Variants in BIRC2 observed in about 807,000 individuals in gnomAD.
The protein encoded by BIRC2 is baculoviral IAP repeat containing 2.
Under a neutral mutation model 60.9 loss-of-function variants are expected in BIRC2, and 18 were observed. That is an observed-to-expected ratio of 0.30 (90% confidence interval 0.20 to 0.44). BIRC2 has a LOEUF of 0.44. BIRC2 is among the 20% of genes least tolerant of loss of function. BIRC2 has a pLI of 1.00. For synonymous variants in BIRC2, 282 were observed against 247.7 expected, an observed-to-expected ratio of 1.14 and a Z score of -1.30; for missense variants, 701 against 728.5, an observed-to-expected ratio of 0.96 and a Z score of 0.43.
At chr11:102,361,325 G>C (rs1039256061) in intron 3 of BIRC2, among the ~76,000 whole-genome samples, 2 of 152,206 alleles carry the variant, frequency 1.3e-5, no homozygotes, top group Non-Finnish European at 2.9e-5. Flanking sequence ...AGAGCAGCCA[G>C]AGAGCTGGGA....
chr11:102,365,773 T>C (rs946693422), intron 5 of BIRC2, among the ~76,000 whole-genome samples: 1 of 152,012 alleles, frequency 6.6e-6, no homozygotes, highest in Non-Finnish European at 1.5e-5. Flanking sequence ...TGTGTGTGTT[T>C]GTAGATACAG....
At chr11:102,367,963 G>C (rs372112788) in intron 5 of BIRC2, among the ~76,000 whole-genome samples, 1 of 152,060 alleles carries the variant, frequency 6.6e-6, no homozygotes, top group African/African-American at 2.4e-5. Flanking sequence ...TTCTAAGTTC[G>C]TATAGCATAT....
chr11:102,351,028 A>G, intron 3 of BIRC2, 85 bp downstream of exon 3: 6 of 1,222,908 alleles, frequency 4.9e-6, no homozygotes. Context: ...TTTACCTTTA[A>G]ATTATAACAA....
intron 4 of BIRC2, 47 bp downstream of exon 4, chr11:102,363,021 A>G (rs1247104474): frequency 7.3e-7 from 1 of 1,371,622 alleles, no homozygotes; most frequent in Non-Finnish European, 1.0e-6. Context: ...GCTTTATAAT[A>G]ACAAAAATAT....
intron 6 of BIRC2, among the ~76,000 whole-genome samples, chr11:102,375,537 T>C (rs1951701481): frequency 6.6e-6 from 1 of 152,068 alleles, no homozygotes; most frequent in African/African-American, 2.4e-5. Flanking sequence ...TCCCAGCACT[T>C]TGGGAGGCCA....
intron 6 of BIRC2, among the ~76,000 whole-genome samples, chr11:102,374,716 CTTTG>C (rs1951685224): frequency 6.6e-6 from 1 of 152,212 alleles, no homozygotes; most frequent in Non-Finnish European, 1.5e-5. Context: ...TTCCTGGCTG[CTTTG>C]TTTACCTAAT....
Position 102,378,113 on chromosome 11 carries a change from C to T in BIRC2, c.1787C>T (p.Ala596Val), listed in dbSNP as rs1035847344. 3 of 1,613,444 alleles carry T rather than the reference C, an allele frequency of 1.9e-6. No individual in the cohort carries two copies. Among genetic ancestry groups the T allele is most frequent in the Admixed American group, 3.3e-5 (2 of 59,952 alleles). The change falls in exon 9 of 9, where the codon GCC becomes GTC. Residue 596 changes from alanine to valine, a missense_variant. Transcript: ENST00000227758. ...CATCTGGTAGTATGCCAGGAATGTG[C>T]CCCTTCTCTAAGAAAATGCCCTATT... ...CGHLVVCQECAPSLRKCPICR... is the reference protein window; with the variant it reads ...CGHLVVCQECVPSLRKCPICR...
chr11:102,363,657 T>C lies in BIRC2; in HGVS notation c.1075-11T>C. 6.2e-7 allele frequency: 1 copy of C among 1,610,490 alleles called. No individual in the cohort carries two copies. Among genetic ancestry groups the C allele is most frequent in the Non-Finnish European group, 8.5e-7 (1 of 1,177,202 alleles). On this transcript the variant is annotated splice_polypyrimidine_tract_variant and intron_variant, in intron 4 of 8. Coordinates refer to ENST00000227758, the MANE Select transcript of BIRC2 (RefSeq NM_001166.5). ...CTGCTTTTACCTATTAACTTTTCTC[T>C]TGTTTCATAGCTGTTGTCAACTTCA...
rs1951739640 is a variant in BIRC2, at chr11:102,378,571, T to C, written c.*388T>C. On this transcript the variant is annotated 3_prime_UTR_variant, in exon 9 of 9. Transcript: ENST00000227758. ...AGTTCATCAGAGTTATGGTGCCGAA[T>C]TGTCTTTGGTGCTTTTCACTTGTGT... The C allele has an allele frequency of 1.3e-5, 2 of 154,902 alleles. No individual in the cohort carries two copies. The highest frequency in any genetic ancestry group is 6.5e-5 in the Admixed American group (1 of 15,346). 9.6% of individuals were successfully genotyped at this position (154,902 alleles called of 1,614,324 possible). A position where few individuals can be genotyped will look rare whatever the true frequency, so the allele number is the denominator to read the frequency against.
At chr11:102,355,605 T>G (rs1951411555) in intron 3 of BIRC2, among the ~76,000 whole-genome samples, 1 of 152,172 alleles carries the variant, frequency 6.6e-6, no homozygotes, top group African/African-American at 2.4e-5. Context: ...TTCTGGGCCT[T>G]AAGTTCCGTA....
chr11:102,353,173 A>G (rs927601390), intron 3 of BIRC2, among the ~76,000 whole-genome samples: 9 of 152,210 alleles, frequency 5.9e-5, no homozygotes, highest in Admixed American at 2.6e-4. Flanking sequence ...ACAGCTTCCA[A>G]ATTCCAGTGT....
At chr11:102,375,556 G>C (rs1244046809) in intron 6 of BIRC2, among the ~76,000 whole-genome samples, 1 of 152,108 alleles carries the variant, frequency 6.6e-6, no homozygotes, top group African/African-American at 2.4e-5. Flanking sequence ...CAAGACGGGC[G>C]GATCACAAGG....
In BIRC2 at chr11:102,362,955, A is replaced by G. The variant is rs1351227673; in HGVS notation, c.1055A>G (p.Tyr352Cys). ...TTTGTTGATGAGATTCAAGGTAGAT[A>G]TCCTCATCTTCTTGAACAGGTAAAT... ...QEFVDEIQGR[Y>C]PHLLEQLLST... The change falls in exon 4 of 9, where the codon TAT becomes TGT. Residue 352 changes from tyrosine (Y) to cysteine (C), a missense_variant. Tyr to Cys is a radical substitution (Grantham distance 194). This residue lies in a region of BIRC2 where 39 missense variants were observed against 69.8 expected (regional missense o/e 0.56). Coordinates refer to ENST00000227758, the MANE Select transcript of BIRC2 (RefSeq NM_001166.5). The G allele has an allele frequency of 2.5e-6, 4 of 1,611,928 alleles. No homozygotes were observed. The highest frequency in any genetic ancestry group is 1.7e-6 in the Non-Finnish European group (2 of 1,178,452).
chr11:102,347,639 T>G (rs1951307935), intron 1 of BIRC2: 5 of 152,308 alleles, frequency 3.3e-5, no homozygotes, highest in Admixed American at 3.3e-4. Flanking sequence ...CCGCCCACTC[T>G]TCTGGCCCTT....
rs748192420 is a variant in BIRC2, at chr11:102,378,220, T to G, written c.*37T>G. 2.0e-6 allele frequency: 3 copies of G among 1,475,048 alleles called. No homozygotes were observed. The highest frequency in any genetic ancestry group is 2.7e-6 in the Non-Finnish European group (3 of 1,103,570). 91.4% of individuals were successfully genotyped at this position (1,475,048 alleles called of 1,614,324 possible). A position where few individuals can be genotyped will look rare whatever the true frequency, so the allele number is the denominator to read the frequency against. ...CTATATTTTAACCTGCATAAAAAGG[T>G]CTTTAAAATATTGTTGAACACTTGA... On this transcript the variant is annotated 3_prime_UTR_variant, in exon 9 of 9. Coordinates refer to ENST00000227758, the MANE Select transcript of BIRC2 (RefSeq NM_001166.5).
intron 5 of BIRC2, among the ~76,000 whole-genome samples, chr11:102,364,052 A>C (rs996918924): frequency 1.3e-5 from 2 of 149,048 alleles, no homozygotes; most frequent in Non-Finnish European, 3.0e-5. Flanking sequence ...TCCATCTCCA[A>C]AAAAAAAGGT....
chr11:102,366,923 A>G (rs1290558875), intron 5 of BIRC2, among the ~76,000 whole-genome samples: 3 of 152,164 alleles, frequency 2.0e-5, no homozygotes, highest in Non-Finnish European at 4.4e-5. Context: ...TTTACCTTCT[A>G]CCACCTTCTT....
intron 6 of BIRC2, among the ~76,000 whole-genome samples, chr11:102,373,190 G>A (rs1384542134): frequency 1.3e-5 from 2 of 152,030 alleles, no homozygotes; most frequent in Non-Finnish European, 2.9e-5. Flanking sequence ...ATTGTCATGT[G>A]TGAATTTGAT....
intron 3 of BIRC2, among the ~76,000 whole-genome samples, chr11:102,358,113 A>G (rs1046230482): frequency 6.6e-6 from 1 of 152,160 alleles, no homozygotes; most frequent in Non-Finnish European, 1.5e-5. Context: ...ATAGGATTTC[A>G]GTCTTCCTCA....
Sources: gnomAD v4.1 joint callset for allele counts (sites outside exome capture counted in the v4.1 genomes callset) on GRCh38, gnomAD v4.1.1 for gene constraint, gnomAD v4.1.1 regional missense constraint, MANE v1.5 for transcripts, NCBI Gene and HGNC (gene_info 2026-07-23, HGNC 2026-07-21) for gene names.